Variants in SEMA6D observed in about 807,000 individuals in gnomAD.
SEMA6D encodes the protein semaphorin 6D.
In SEMA6D, 35 loss-of-function variants were observed where a neutral mutation model predicts 106.6. The ratio of observed to expected loss-of-function variants is 0.33; its 90% confidence interval spans 0.25 to 0.44. The LOEUF is 0.44. Ranked by LOEUF, SEMA6D falls within the 20% of genes least tolerant of loss-of-function variation. The pLI, the probability that SEMA6D is intolerant of heterozygous loss-of-function variation, is 1.00. For missense variants in SEMA6D, 1,185 were observed against 1,345.9 expected, an observed-to-expected ratio of 0.88 and a Z score of 1.87; for synonymous variants, 499 against 487.7, an observed-to-expected ratio of 1.02 and a Z score of -0.31.
chr15:47,630,401 A>G (rs962414932), intron 4 of SEMA6D, among the ~76,000 whole-genome samples: 4 of 151,836 alleles, frequency 2.6e-5, no homozygotes, highest in Non-Finnish European at 5.9e-5. Context: ...TTTTATTTTT[A>G]GTATCCACAT....
chr15:47,226,488 G>A (rs1009574779), intron 1 of SEMA6D, among the ~76,000 whole-genome samples: 1 of 152,080 alleles, frequency 6.6e-6, no homozygotes, highest in Non-Finnish European at 1.5e-5. Context: ...GGTCACAGAC[G>A]CAAAGTCCAG....
chr15:47,522,641 A>T (rs993458291), intron 3 of SEMA6D, among the ~76,000 whole-genome samples: 1 of 152,174 alleles, frequency 6.6e-6, no homozygotes, highest in African/African-American at 2.4e-5. Context: ...ACAAGTGTTG[A>T]TGGAGTCCGC....
chr15:47,588,918 A>G (rs2076389278), intron 3 of SEMA6D, among the ~76,000 whole-genome samples: 1 of 152,164 alleles, frequency 6.6e-6, no homozygotes, highest in Non-Finnish European at 1.5e-5. Flanking sequence ...GGTTGCCACA[A>G]CTGTCACAAT....
intron 4 of SEMA6D, among the ~76,000 whole-genome samples, chr15:47,647,931 A>T (rs1406697207): frequency 6.6e-6 from 1 of 152,194 alleles, no homozygotes; most frequent in Non-Finnish European, 1.5e-5. Context: ...GGGGTGCTGA[A>T]TCATCCTTTC....
intron 1 of SEMA6D, among the ~76,000 whole-genome samples, chr15:47,228,999 C>T (rs2032001539): frequency 6.6e-6 from 1 of 151,960 alleles, no homozygotes; most frequent in Non-Finnish European, 1.5e-5. Context: ...ATGGATGGGC[C>T]ATGAGAGATC....
intron 18 of SEMA6D, among the ~76,000 whole-genome samples, chr15:47,770,087 A>G (rs992398621): frequency 3.9e-5 from 6 of 152,212 alleles, no homozygotes; most frequent in Non-Finnish European, 8.8e-5. Context: ...ACATTTTCCT[A>G]TATCCTAGTA....
At chr15:47,715,240 AAGG>A (rs1430364973), upstream of SEMA6D, among the ~76,000 whole-genome samples, 1 of 152,172 alleles carries the variant, frequency 6.6e-6, no homozygotes, top group Non-Finnish European at 1.5e-5. Context: ...TCTAAAGCAT[AAGG>A]TAGGGAGAGG....
At chr15:47,765,478 A>AT (rs2082287580) in intron 13 of SEMA6D, 3 of 960,406 alleles carry the variant, frequency 3.1e-6, no homozygotes, top group Admixed American at 5.9e-5. Flanking sequence ...TATTTAGACC[A>AT]TTAAAAAAAA....
intron 1 of SEMA6D, among the ~76,000 whole-genome samples, chr15:47,391,816 T>C (rs2040043989): frequency 6.6e-6 from 1 of 152,156 alleles, no homozygotes; most frequent in South Asian, 2.1e-4. Flanking sequence ...AAAGACAAGT[T>C]TGATAGTTGG....
chr15:47,282,014 T>C (rs1371464397), intron 1 of SEMA6D, among the ~76,000 whole-genome samples: 2 of 152,112 alleles, frequency 1.3e-5, no homozygotes, highest in South Asian at 2.1e-4. Context: ...TCCATTACAA[T>C]ACTATACTGC....
At chr15:47,567,457 C>G (rs2046260614) in intron 3 of SEMA6D, among the ~76,000 whole-genome samples, 1 of 152,204 alleles carries the variant, frequency 6.6e-6, no homozygotes, top group Non-Finnish European at 1.5e-5. Context: ...TTCCTCACAT[C>G]TCAAAATTGT....
intron 1 of SEMA6D, among the ~76,000 whole-genome samples, chr15:47,403,071 T>G (rs2040449940): frequency 6.6e-6 from 1 of 152,088 alleles, no homozygotes; most frequent in Admixed American, 6.5e-5. Flanking sequence ...TGGGTAGAGG[T>G]TCAGTCAAGT....
chr15:47,742,670 A>G (rs571757142), intron 1 of SEMA6D, among the ~76,000 whole-genome samples: 1 of 152,210 alleles, frequency 6.6e-6, no homozygotes, highest in African/African-American at 2.4e-5. Flanking sequence ...ATGACATGAA[A>G]GAGGTGGCTC....
At chr15:47,424,175 A>C (rs1378972917) in intron 2 of SEMA6D, among the ~76,000 whole-genome samples, 3 of 152,064 alleles carry the variant, frequency 2.0e-5, no homozygotes, top group Non-Finnish European at 4.4e-5. Flanking sequence ...AGCTATGCTA[A>C]CTAGGAAAGT....
chr15:47,381,973 G>A (rs2039654099), intron 1 of SEMA6D, among the ~76,000 whole-genome samples: 1 of 152,104 alleles, frequency 6.6e-6, no homozygotes, highest in African/African-American at 2.4e-5. Context: ...TGGGTTTAGG[G>A]AGGGCACAGG....
Position 47,773,399 on chromosome 15 carries a change from A to T in SEMA6D, c.*1614A>T, listed in dbSNP as rs983800810. 1 of 152,616 alleles carries T rather than the reference A, an allele frequency of 6.6e-6. No homozygotes were observed. Among genetic ancestry groups the T allele is most frequent in the Non-Finnish European group, 1.5e-5 (1 of 68,040 alleles). 9.5% of individuals were successfully genotyped at this position (152,616 alleles called of 1,614,324 possible). On this transcript the variant is annotated 3_prime_UTR_variant, in exon 19 of 19. Transcript: ENST00000536845. Reference sequence around the variant, plus strand: ...GTCATTTATACGTAGTTTGGCAGAAACCACTTACGGCTGATGATGCGCAAC... The same window carrying T: ...GTCATTTATACGTAGTTTGGCAGAATCCACTTACGGCTGATGATGCGCAAC...
At position 47,612,998 on chromosome 15, in the gene SEMA6D, G is replaced by T. The variant is rs79079642; in HGVS notation, c.-55+12102G>T. ...ATGTTTTTATGAAAAACATAATGTTGGTGAATTTTAAACTCTGTGGAGCCT... is the reference window on the plus strand; with the variant it reads ...ATGTTTTTATGAAAAACATAATGTTTGTGAATTTTAAACTCTGTGGAGCCT... On this transcript the variant is annotated intron_variant, in intron 4 of 19. Coordinates refer to the SEMA6D transcript ENST00000558014. 2.0e-5 allele frequency among the ~76,000 whole-genome samples: 3 copies of T among 152,022 alleles called. No individual in the cohort carries two copies. In the East Asian group the frequency reaches 5.8e-4, roughly 29 times the overall value.
chr15:47,214,377 G>A (rs180939033), intron 1 of SEMA6D, among the ~76,000 whole-genome samples: 2 of 152,198 alleles, frequency 1.3e-5, no homozygotes, highest in East Asian at 3.9e-4. Context: ...GGCTTCACAA[G>A]CAAAGAGAGA....
chr15:47,479,528 C>T (rs891787374), intron 3 of SEMA6D, among the ~76,000 whole-genome samples: 4 of 152,148 alleles, frequency 2.6e-5, no homozygotes, highest in Non-Finnish European at 5.9e-5. Context: ...ACTTTATTAT[C>T]TCATCAGGAC....
Sources: gnomAD v4.1 joint callset for allele counts (sites outside exome capture counted in the v4.1 genomes callset) on GRCh38, gnomAD v4.1.1 for gene constraint, MANE v1.5 for transcripts, NCBI Gene and HGNC (gene_info 2026-07-23, HGNC 2026-07-21) for gene names.